The following PTPN5 variants were observed in gnomAD, a reference collection of about 807,000 sequenced individuals.
PTPN5 encodes protein tyrosine phosphatase non-receptor type 5.
In PTPN5, 29 loss-of-function variants were observed where a neutral mutation model predicts 73.9. The ratio of observed to expected loss-of-function variants is 0.39; its 90% CI spans 0.29 to 0.54. The LOEUF is 0.54. Among genes scored for constraint, PTPN5 ranks in the 20% least tolerant of loss-of-function variants. The pLI is 0.65. For synonymous variants in PTPN5, 267 were observed against 304.7 expected (o/e 0.88, Z 1.29); for missense variants, 652 against 751.4 (o/e 0.87, Z 1.55).
At chr11:18,765,758 G>T (rs1473756321) in intron 3 of PTPN5, 49 bp downstream of exon 3, 11 of 1,309,142 alleles carry the variant, frequency 8.4e-6, no homozygotes, top group Non-Finnish European at 1.2e-5. Flanking sequence ...CCGGGGCATT[G>T]TCTCTCCATT....
At chr11:18,772,412 C>G (rs1424881399) in intron 1 of PTPN5, among the ~76,000 whole-genome samples, 1 of 152,232 alleles carries the variant, frequency 6.6e-6, no homozygotes, top group Non-Finnish European at 1.5e-5. Flanking sequence ...ACTGCTATTT[C>G]CGTCCTGCCA....
At chr11:18,758,914 C>G (rs531135573) in intron 3 of PTPN5, among the ~76,000 whole-genome samples, 41 of 152,306 alleles carry the variant, frequency 2.7e-4, no homozygotes, top group African/African-American at 9.9e-4. Context: ...ATCCAGGCAA[C>G]TCCCTAGAAT....
At chr11:18,790,517 C>T (rs1392175550) in intron 1 of PTPN5, among the ~76,000 whole-genome samples, 1 of 152,182 alleles carries the variant, frequency 6.6e-6, no homozygotes, top group Non-Finnish European at 1.5e-5. Flanking sequence ...TTCTCCCAAA[C>T]GAATCCCAAA....
intron 2 of PTPN5, among the ~76,000 whole-genome samples, chr11:18,771,514 T>C (rs1278714659): frequency 6.6e-6 from 1 of 152,206 alleles, no homozygotes; most frequent in Non-Finnish European, 1.5e-5. Context: ...TAGCTGTGTA[T>C]GCACCTGCCT....
At chr11:18,781,450 G>C (rs36002598) in intron 1 of PTPN5, among the ~76,000 whole-genome samples, 1,891 of 150,732 alleles carry the variant, frequency 0.013, 14 homozygotes, top group Non-Finnish European at 0.019. Context: ...CTCCCAAGTA[G>C]CTGGGACTAC....
At position 18,791,021 on chromosome 11, in the gene PTPN5, G is replaced by A. The variant is rs977892406; in HGVS notation, c.-114+504C>T. On this transcript the variant is annotated intron_variant, in intron 1 of 14. Coordinates refer to ENST00000358540, the MANE Select transcript of PTPN5 (RefSeq NM_006906.2). ...AGAAACAAGCAGCATGCTGGGGGAG[G>A]GGAGCGCGCTAAGCTTGTATTCTAG... Among the ~76,000 whole-genome samples, 5 of 152,282 alleles carry A rather than the reference G, an allele frequency of 3.3e-5. No homozygotes were observed. In the Middle Eastern group the frequency reaches 0.01, roughly 311 times the overall value.
intron 8 of PTPN5, among the ~76,000 whole-genome samples, chr11:18,739,507 G>A (rs1351694216): frequency 1.3e-5 from 2 of 152,214 alleles, no homozygotes; most frequent in Non-Finnish European, 2.9e-5. Flanking sequence ...AAAGGAGGCT[G>A]GGGCCACACG....
chr11:18,753,115 T>C (rs768595251), intron 3 of PTPN5, among the ~76,000 whole-genome samples: 9 of 152,226 alleles, frequency 5.9e-5, no homozygotes, highest in Non-Finnish European at 8.8e-5. Context: ...TGAAACATCC[T>C]GTTAAATGCC....
At position 18,729,080 on chromosome 11, in the gene PTPN5, G is replaced by A. The variant is rs1280814229; in HGVS notation, c.1605-53C>T. 2.5e-6 allele frequency: 4 copies of A among 1,580,196 alleles called. No homozygotes were observed. In the African/African-American group the frequency reaches 4.1e-5, roughly 16 times the overall value. On this transcript the variant is annotated intron_variant, in intron 14 of 14. Transcript: ENST00000358540. This position sits in a 1 kb window ranked among gnomAD's most constrained non-coding sequence, Gnocchi z 5.2. ...CAGGGTCGTGGAGGGATGGGCTGTG[G>A]GAGGTGCCCCAAAAGCCATGGAGTA... is the stretch of plus-strand genomic sequence containing the variant.
At chr11:18,782,410 T>C (rs1851479832) in intron 1 of PTPN5, among the ~76,000 whole-genome samples, 1 of 152,060 alleles carries the variant, frequency 6.6e-6, no homozygotes. Context: ...GTATTTTTAG[T>C]AGAGATGGGA....
intron 1 of PTPN5, among the ~76,000 whole-genome samples, chr11:18,778,171 T>C (rs1277424564): frequency 6.6e-6 from 1 of 152,192 alleles, no homozygotes; most frequent in South Asian, 2.1e-4. Flanking sequence ...TTTCTTCATC[T>C]TTAAAATAGA....
chr11:18,748,190 A>G (rs1849724030), intron 3 of PTPN5, among the ~76,000 whole-genome samples: 1 of 152,202 alleles, frequency 6.6e-6, no homozygotes, highest in African/African-American at 2.4e-5. Flanking sequence ...TGCATACACT[A>G]GGATGTAAGA....
Position 18,729,320 on chromosome 11 carries a change from T to C in PTPN5, c.1604+133A>G. On this transcript the variant is annotated intron_variant, in intron 14 of 14. Transcript: ENST00000358540. This position sits in a 1 kb window ranked among gnomAD's most constrained non-coding sequence, Gnocchi z 5.2. ...CTACCCAGCTGTCCTCGCTACTCCT[T>C]GTCTGCCCATCAGTCCGTGCCAGTG... The C allele has an allele frequency of 1.6e-6, 1 of 638,108 alleles. No homozygotes were observed. The highest frequency in any genetic ancestry group is 2.8e-6 in the Non-Finnish European group (1 of 351,754). The allele number at this position is 638,108 out of a possible 1,614,324, so 39.5% of individuals were successfully genotyped here. A position where few individuals can be genotyped will look rare whatever the true frequency, so the allele number is the denominator to read the frequency against.
chr11:18,762,114 G>A (rs897806476), intron 3 of PTPN5, among the ~76,000 whole-genome samples: 3 of 152,140 alleles, frequency 2.0e-5, no homozygotes, highest in Non-Finnish European at 4.4e-5. Context: ...GTGATGCTGA[G>A]GACGTTTCCA....
chr11:18,742,619 G>A lies in PTPN5; in HGVS notation c.484-116C>T. On this transcript the variant is annotated intron_variant, in intron 6 of 14. Coordinates refer to ENST00000358540, the MANE Select transcript of PTPN5 (RefSeq NM_006906.2). The surrounding 1 kb of genome is among the most constrained non-coding windows in gnomAD (Gnocchi z 4.1). ...CCCTCAGTGTGTCTAGAGCAGCTCT[G>A]CTCTCCTGGGAGTTGTCCACAAGGC... is the stretch of plus-strand genomic sequence containing the variant. 3 of 1,453,446 alleles carry A rather than the reference G, an allele frequency of 2.1e-6. No individual in the cohort carries two copies. Among genetic ancestry groups the A allele is most frequent in the Admixed American group, 2.0e-5 (1 of 48,898 alleles). 90.0% of individuals were successfully genotyped at this position (1,453,446 alleles called of 1,614,324 possible). A position where few individuals can be genotyped will look rare whatever the true frequency, so the allele number is the denominator to read the frequency against.
At chr11:18,761,459 GTGTT>G (rs1219943548) in intron 3 of PTPN5, among the ~76,000 whole-genome samples, 2 of 152,266 alleles carry the variant, frequency 1.3e-5, no homozygotes, top group East Asian at 3.9e-4. Flanking sequence ...ATGTACCAAA[GTGTT>G]TGGGTGACTG....
Position 18,742,437 on chromosome 11 carries a change from A to G in PTPN5, c.550T>C (p.Ser184Pro). Residue 184 changes from serine to proline, a missense_variant, in exon 7 of 15, where the codon TCA (serine) becomes CCA (proline). Around this residue, in one of 3 missense-constraint regions of PTPN5, gnomAD observed 529 missense variants for 573.9 expected, o/e 0.92. Transcript: ENST00000358540. The surrounding 1 kb of genome is among the most constrained non-coding windows in gnomAD (Gnocchi z 4.1). ...GTGAAGGAGGGCTGGCGGCTCACTG[A>G]CTGGCGCCTGTCCTCAGGGGGCAGT... ...TPLPPEDRRQ[S>P]VSRQPSFTYS... 1 of 1,614,098 alleles carries G rather than the reference A, an allele frequency of 6.2e-7. No individual in the cohort carries two copies. The highest frequency in any genetic ancestry group is 1.7e-5 in the Admixed American group (1 of 60,016).
At chr11:18,746,953 T>C (rs1227852810) in intron 3 of PTPN5, among the ~76,000 whole-genome samples, 2 of 152,200 alleles carry the variant, frequency 1.3e-5, no homozygotes, top group Admixed American at 6.5e-5. Flanking sequence ...ACCCAGGGGT[T>C]ACCTGGCTTC....
chr11:18,734,146 G>T (rs898052405), intron 9 of PTPN5, among the ~76,000 whole-genome samples: 1 of 152,200 alleles, frequency 6.6e-6, no homozygotes, highest in South Asian at 2.1e-4. Context: ...AGATGTGAAA[G>T]TTCTGTGTAA....
Sources: gnomAD v4.1 joint callset for allele counts (sites outside exome capture counted in the v4.1 genomes callset) on GRCh38, gnomAD v4.1.1 for gene constraint, gnomAD v4.1.1 regional missense constraint, Gnocchi (gnomAD v3.1) non-coding constraint, MANE v1.5 for transcripts, NCBI Gene and HGNC (gene_info 2026-07-23, HGNC 2026-07-21) for gene names.